The following DSCAM variants were observed in gnomAD, a reference collection of about 807,000 sequenced individuals.
DSCAM encodes the protein DS cell adhesion molecule, also known as cell adhesion molecule DSCAM.
A neutral mutation model predicts 217.7 loss-of-function variants in DSCAM; 47 were observed. The observed-to-expected ratio is 0.22, with a 90% CI of 0.17 to 0.28. The LOEUF (loss-of-function observed/expected upper bound fraction) is 0.28, where lower values mean the gene tolerates loss of function less well. Ranked by LOEUF, DSCAM falls within the 10% of genes least tolerant of loss-of-function variation. The probability of loss-of-function intolerance (pLI) is 1.00; values close to 1 mark genes in which losing one functional copy is unlikely to be tolerated. For synonymous variants in DSCAM, 1,056 were observed against 1,015.3 expected (o/e 1.04, Z -0.76); for missense variants, 2,080 against 2,618.3 (o/e 0.79, Z 4.49).
intron 6 of DSCAM, among the ~76,000 whole-genome samples, chr21:40,340,243 C>A (rs1439480276): frequency 6.6e-6 from 1 of 152,116 alleles, no homozygotes; most frequent in Non-Finnish European, 1.5e-5. Flanking sequence ...ACAGGCATGA[C>A]CCAGAACTAT....
chr21:40,021,193 G>A (rs1187715796), intron 32 of DSCAM, among the ~76,000 whole-genome samples: 6 of 127,596 alleles, frequency 4.7e-5, no homozygotes, highest in East Asian at 2.2e-4. Context: ...GCGATAGAGC[G>A]AGACTCCGTC....
intron 16 of DSCAM, among the ~76,000 whole-genome samples, chr21:40,150,128 T>C (rs916713139): frequency 6.6e-6 from 1 of 152,230 alleles, no homozygotes; most frequent in Non-Finnish European, 1.5e-5. Flanking sequence ...ATAAGTATGC[T>C]TCTTTACACA....
Position 40,551,273 on chromosome 21 carries a change from T to G in DSCAM, c.508+141537A>C, listed in dbSNP as rs755679688. 6.9e-4 allele frequency among the ~76,000 whole-genome samples: 105 copies of G among 152,216 alleles called. 1 individual carries two copies. The highest frequency in any genetic ancestry group is 3.4e-3 in the Middle Eastern group (1 of 294). On this transcript the variant is annotated intron_variant, in intron 3 of 32. Transcript: ENST00000400454. ...TCCAGAAAGGCAGGACATCTTGAAG[T>G]GGTTGGGGGTGTTGCTCACAGGTTA...
chr21:40,500,374 CTGAT>C (rs1023700072), intron 3 of DSCAM, among the ~76,000 whole-genome samples: 1 of 152,094 alleles, frequency 6.6e-6, no homozygotes, highest in African/African-American at 2.4e-5. Flanking sequence ...TGTCTTTCAA[CTGAT>C]TAAGACTCCT....
chr21:40,579,966 C>T (rs1187581770), intron 3 of DSCAM, among the ~76,000 whole-genome samples: 3 of 152,154 alleles, frequency 2.0e-5, no homozygotes, highest in African/African-American at 7.2e-5. Context: ...AGGCCTCTCT[C>T]CTGATTGGCT....
Position 40,154,189 on chromosome 21 carries a change from C to CTTCCTTCCTTCCTCCCTTCCT in DSCAM, c.3019-9479_3019-9459dup, listed in dbSNP as rs373056562. 1.4e-3 allele frequency among the ~76,000 whole-genome samples: 211 copies of CTTCCTTCCTTCCTCCCTTCCT among 146,880 alleles called. 1 individual carries two copies. Among genetic ancestry groups the CTTCCTTCCTTCCTCCCTTCCT allele is most frequent in the South Asian group, 5.1e-3 (24 of 4,710 alleles). ...CTTTCCTCTCCTTTCTTCTTCCTTC[C>CTTCCTTCCTTCCTCCCTTCCT]TTCCTTCCTTCCTCCCTTCCTTTCC... On this transcript the variant is annotated intron_variant, in intron 16 of 32. Coordinates refer to ENST00000400454, the MANE Select transcript of DSCAM (RefSeq NM_001389.5).
intron 2 of DSCAM, among the ~76,000 whole-genome samples, chr21:40,697,426 G>A (rs73220300): frequency 0.11 from 16,745 of 152,142 alleles, 1,010 homozygotes; most frequent in Admixed American, 0.17. Context: ...ATTTTCTATA[G>A]TGTTTCCCTA....
chr21:40,163,502 G>A (rs1370283063), intron 16 of DSCAM, among the ~76,000 whole-genome samples: 1 of 151,954 alleles, frequency 6.6e-6, no homozygotes, highest in African/African-American at 2.4e-5. Flanking sequence ...CAAGGCATGG[G>A]GTAGCACTTT....
chr21:40,617,043 T>C (rs2223002), intron 3 of DSCAM, among the ~76,000 whole-genome samples: 1,510 of 143,210 alleles, frequency 0.011, 32 homozygotes, highest in African/African-American at 0.037. Context: ...AGAATGGTTA[T>C]GAGACACCAG....
At chr21:40,571,696 A>T (rs183067195) in intron 3 of DSCAM, among the ~76,000 whole-genome samples, 14 of 152,364 alleles carry the variant, frequency 9.2e-5, no homozygotes. Context: ...TACATGTTGC[A>T]TAATATATTA....
chr21:40,221,257 A>C (rs886203698), intron 11 of DSCAM, among the ~76,000 whole-genome samples: 5 of 151,940 alleles, frequency 3.3e-5, no homozygotes, highest in African/African-American at 1.2e-4. Context: ...TGCCACCACC[A>C]CACTACCCAG....
chr21:40,700,652 T>C (rs1226470967), intron 2 of DSCAM, among the ~76,000 whole-genome samples: 2 of 152,158 alleles, frequency 1.3e-5, no homozygotes, highest in African/African-American at 4.8e-5. Flanking sequence ...AGGGTAATGC[T>C]AACTTCATAA....
chr21:40,623,804 C>T (rs747910276), intron 3 of DSCAM, among the ~76,000 whole-genome samples: 1 of 152,164 alleles, frequency 6.6e-6, no homozygotes, highest in Non-Finnish European at 1.5e-5. Flanking sequence ...CACTTGCCTA[C>T]GGATAGTGGT....
At chr21:40,622,069 A>C (rs1379398291) in intron 3 of DSCAM, among the ~76,000 whole-genome samples, 1 of 152,142 alleles carries the variant, frequency 6.6e-6, no homozygotes, top group Non-Finnish European at 1.5e-5. Context: ...AATTTCTAGA[A>C]AAGACAAAAG....
chr21:40,265,022 A>T (rs921692821), intron 11 of DSCAM, among the ~76,000 whole-genome samples: 5 of 151,016 alleles, frequency 3.3e-5, no homozygotes, highest in African/African-American at 1.2e-4. Flanking sequence ...AACCCCATTT[A>T]TACTGAAAAA....
Position 40,189,157 on chromosome 21 carries a change from C to G in DSCAM, c.2438G>C (p.Gly813Ala). The change falls in exon 12 of 33, where the codon GGT becomes GCT. Residue 813 changes from glycine (G) to alanine (A), a missense_variant. By Grantham distance (60) the Gly-to-Ala change is moderately conservative (BLOSUM62 0). This residue lies in a region of DSCAM where 1,144 missense variants were observed against 1,421.1 expected (regional missense o/e 0.81). Transcript: ENST00000400454. ...CCAGCGGACTATAATGGGCTTCTCA[C>G]CATGCGCCGTGCAGCTCATCTCCTT... Reference protein sequence around the residue: ...QKKEMSCTAHGEKPIIVRWEK... With the variant: ...QKKEMSCTAHAEKPIIVRWEK... 1 of 1,614,134 alleles carries G rather than the reference C, an allele frequency of 6.2e-7. No homozygotes were observed.
At chr21:40,134,042 C>T (rs745478799) in intron 18 of DSCAM, 33 bp from the exon 19 acceptor site, 12 of 1,585,482 alleles carry the variant, frequency 7.6e-6, no homozygotes, top group South Asian at 3.5e-5. Context: ...CAAAATCCCA[C>T]TTCTGAGCCC....
intron 3 of DSCAM, among the ~76,000 whole-genome samples, chr21:40,605,789 T>A (rs1568933660): frequency 7.8e-6 from 1 of 128,030 alleles, no homozygotes; most frequent in Non-Finnish European, 1.7e-5. Flanking sequence ...TTAATGCACA[T>A]TCTTTTTTTT....
chr21:40,272,061 C>T (rs1242220488), intron 11 of DSCAM, among the ~76,000 whole-genome samples: 2 of 151,310 alleles, frequency 1.3e-5, no homozygotes, highest in Non-Finnish European at 2.9e-5. Context: ...TTATTTTCCT[C>T]GATTGACAGA....
Sources: allele counts gnomAD v4.1 joint callset (sites outside exome capture counted in the v4.1 genomes callset), GRCh38; gene constraint gnomAD v4.1.1; regional missense constraint gnomAD v4.1.1; transcripts MANE v1.5; gene names NCBI Gene and HGNC (gene_info 2026-07-23, HGNC 2026-07-21).